Variants in CIMIP4 observed in about 807,000 individuals in gnomAD.
CIMIP4 encodes ciliary microtubule inner protein 4, also known as protein EAN57.
chr22:36,993,956 G>A, the CIMIP4 span, among the ~76,000 whole-genome samples: 1 of 152,150 alleles, frequency 6.6e-6, no homozygotes, highest in Non-Finnish European at 1.5e-5. Context: ...TGGAAGAACA[G>A]AAAAAGATAT....
chr22:36,996,741 G>A, the CIMIP4 span, among the ~76,000 whole-genome samples: 1 of 152,308 alleles, frequency 6.6e-6, no homozygotes, highest in East Asian at 1.9e-4. Flanking sequence ...ACTGGTGATG[G>A]TGGTGGAGGG....
At chr22:36,999,926 C>T in the CIMIP4 span, 9 of 1,614,048 alleles carry the variant, frequency 5.6e-6, no homozygotes, top group Non-Finnish European at 7.6e-6. Context: ...CTGGGTCCTG[C>T]TGGGCCATGA....
At chr22:36,997,783 C>T in the CIMIP4 span, among the ~76,000 whole-genome samples, 4 of 152,222 alleles carry the variant, frequency 2.6e-5, no homozygotes, top group East Asian at 3.8e-4. Flanking sequence ...GCAGGCTTCA[C>T]GACCCAGCCT....
At chr22:37,000,152 C>T in the CIMIP4 span, among the ~76,000 whole-genome samples, 1 of 152,096 alleles carries the variant, frequency 6.6e-6, no homozygotes, top group African/African-American at 2.4e-5. Flanking sequence ...TATACAAAGG[C>T]CCCAGCCCCA....
At chr22:36,991,482 C>T in the CIMIP4 span, 3 of 1,614,050 alleles carry the variant, frequency 1.9e-6, no homozygotes, top group Non-Finnish European at 2.5e-6. Context: ...CTCACTTACC[C>T]AGATCATCCG....
chr22:37,006,906 T>C, the CIMIP4 span, among the ~76,000 whole-genome samples: 2 of 152,208 alleles, frequency 1.3e-5, no homozygotes, highest in Non-Finnish European at 2.9e-5. Context: ...GCAGCTCTCC[T>C]CAGCTCATCT....
the CIMIP4 span, among the ~76,000 whole-genome samples, chr22:37,000,257 T>C: frequency 6.6e-6 from 1 of 152,014 alleles, no homozygotes; most frequent in African/African-American, 2.4e-5. Flanking sequence ...ACCTGCAACA[T>C]TGGGACGGGG....
the CIMIP4 span, among the ~76,000 whole-genome samples, chr22:36,993,062 A>G: frequency 7.0e-6 from 1 of 143,296 alleles, no homozygotes; most frequent in Non-Finnish European, 1.5e-5. Context: ...TCCAGGCTGG[A>G]GTGCTGTGGC....
At chr22:36,992,838 G>T in the CIMIP4 span, among the ~76,000 whole-genome samples, 1 of 151,706 alleles carries the variant, frequency 6.6e-6, no homozygotes, top group East Asian at 1.9e-4. Flanking sequence ...TGGGCTGGGC[G>T]CGGTGGCTCA....
chr22:36,999,586 G>A, the CIMIP4 span, among the ~76,000 whole-genome samples: 1 of 67,924 alleles, frequency 1.5e-5, no homozygotes, highest in African/African-American at 6.4e-5. Context: ...AGGGGAGGGG[G>A]GGATGGGAGG....
the CIMIP4 span, among the ~76,000 whole-genome samples, chr22:36,993,280 G>A: frequency 6.6e-6 from 1 of 151,918 alleles, no homozygotes; most frequent in African/African-American, 2.4e-5. Context: ...AAAGTGCTGG[G>A]GTTACAGGTG....
chr22:36,994,665 T>C, the CIMIP4 span, among the ~76,000 whole-genome samples: 1 of 142,980 alleles, frequency 7.0e-6, no homozygotes. Flanking sequence ...GGAGTCTTGC[T>C]CTGTCACCAG....
At chr22:36,999,507 G>A in the CIMIP4 span, among the ~76,000 whole-genome samples, 1 of 95,560 alleles carries the variant, frequency 1.0e-5, no homozygotes, top group Non-Finnish European at 2.1e-5. Flanking sequence ...CAAAAGAAGG[G>A]AAGGAAAGGG....
the CIMIP4 span, chr22:36,991,132 A>G: frequency 6.4e-7 from 1 of 1,573,996 alleles, no homozygotes; most frequent in Middle Eastern, 1.7e-4. Flanking sequence ...GCCTTTCCTT[A>G]TTGTTAGCAC....
At chr22:37,003,215 A>G in the CIMIP4 span, among the ~76,000 whole-genome samples, 1 of 152,232 alleles carries the variant, frequency 6.6e-6, no homozygotes, top group Non-Finnish European at 1.5e-5. Context: ...CTAGGCTCTC[A>G]TTAAAAATAC....
chr22:36,992,655 A>T, the CIMIP4 span, among the ~76,000 whole-genome samples: 1 of 152,150 alleles, frequency 6.6e-6, no homozygotes, highest in African/African-American at 2.4e-5. Context: ...TCTATTTATA[A>T]ACTAAGTTCT....
chr22:37,004,089 G>A, the CIMIP4 span: 1 of 1,435,088 alleles, frequency 7.0e-7, no homozygotes, highest in Admixed American at 2.1e-5. Context: ...GAACAAGGAT[G>A]AGCTGGGAGC....
the CIMIP4 span, among the ~76,000 whole-genome samples, chr22:36,997,545 A>T: frequency 1.0e-2 from 1,518 of 152,268 alleles, 17 homozygotes; most frequent in Non-Finnish European, 0.017. Context: ...GTGCCTTCCA[A>T]AATAGCGCAG....
the CIMIP4 span, among the ~76,000 whole-genome samples, chr22:36,993,305 C>T: frequency 6.6e-6 from 1 of 152,058 alleles, no homozygotes; most frequent in Non-Finnish European, 1.5e-5. Context: ...CCACGGCGCC[C>T]AGCCAAAGTT....
Sources: allele counts gnomAD v4.1 joint callset (sites outside exome capture counted in the v4.1 genomes callset), GRCh38; gene constraint gnomAD v4.1.1; transcripts MANE v1.5; gene names NCBI Gene and HGNC (gene_info 2026-07-23, HGNC 2026-07-21).